Variants in SLC44A5 observed in about 807,000 individuals in gnomAD.
The protein encoded by SLC44A5 is choline transporter-like protein 5.
SLC44A5 carries 57 observed loss-of-function variants against 101.8 expected under a neutral mutation model. The observed-to-expected ratio is 0.56, with a 90% confidence interval of 0.45 to 0.70. The LOEUF is 0.70. Among genes scored for constraint, SLC44A5 ranks in the 30% least tolerant of loss-of-function variants. SLC44A5 has a pLI of 0.00. For missense variants in SLC44A5, 737 were observed against 853.1 expected (o/e 0.86, Z 1.70); for synonymous variants, 281 against 290.9 (o/e 0.97, Z 0.35).
the SLC44A5 span, among the ~76,000 whole-genome samples, chr1:75,706,533 C>A: frequency 1.3e-5 from 2 of 152,008 alleles, no homozygotes; most frequent in African/African-American, 4.8e-5. Flanking sequence ...ATTAAAATTA[C>A]CTAGTGTGAT....
At chr1:75,402,527 C>T (rs757062760) in intron 2 of SLC44A5, 2 of 238,932 alleles carry the variant, frequency 8.4e-6, no homozygotes, top group South Asian at 8.1e-5. Context: ...ATGGGTGTAG[C>T]CCACAGAGGA....
chr1:75,459,493 C>T (rs539671519), intron 2 of SLC44A5, among the ~76,000 whole-genome samples: 1 of 152,132 alleles, frequency 6.6e-6, no homozygotes, highest in African/African-American at 2.4e-5. Context: ...TTCCCAGCAC[C>T]TGACAACCAC....
chr1:75,587,917 C>G (rs1292156571), intron 1 of SLC44A5, among the ~76,000 whole-genome samples: 1 of 152,014 alleles, frequency 6.6e-6, no homozygotes. Flanking sequence ...CTCACTCTCT[C>G]TCTCTCTGTT....
At chr1:75,405,125 T>C (rs1305260831) in intron 2 of SLC44A5, among the ~76,000 whole-genome samples, 1 of 152,164 alleles carries the variant, frequency 6.6e-6, no homozygotes, top group Non-Finnish European at 1.5e-5. Context: ...GGTAAAGGGA[T>C]CAATGCAACA....
intron 3 of SLC44A5, among the ~76,000 whole-genome samples, chr1:75,389,602 T>G (rs886889394): frequency 3.9e-5 from 6 of 152,096 alleles, no homozygotes; most frequent in African/African-American, 1.4e-4. Flanking sequence ...ATAAAAAAAT[T>G]CTTTGAAATA....
chr1:75,298,784 T>G (rs752883171), intron 5 of SLC44A5, among the ~76,000 whole-genome samples: 3 of 152,140 alleles, frequency 2.0e-5, no homozygotes, highest in Non-Finnish European at 2.9e-5. Flanking sequence ...GAAAAGAAAT[T>G]TATTAAAATT....
intron 2 of SLC44A5, among the ~76,000 whole-genome samples, chr1:75,456,993 A>T (rs1666220176): frequency 6.6e-6 from 1 of 152,328 alleles, no homozygotes; most frequent in East Asian, 1.9e-4. Flanking sequence ...ACAGGAGGAA[A>T]ATAATATCGA....
At chr1:75,389,930 A>G (rs1342307395) in intron 3 of SLC44A5, among the ~76,000 whole-genome samples, 1 of 152,108 alleles carries the variant, frequency 6.6e-6, no homozygotes, top group African/African-American at 2.4e-5. Flanking sequence ...AGCTAGATTA[A>G]AAAAGAAAAA....
the SLC44A5 span, among the ~76,000 whole-genome samples, chr1:75,718,212 T>C: frequency 6.6e-6 from 1 of 152,232 alleles, no homozygotes; most frequent in African/African-American, 2.4e-5. Flanking sequence ...GCATTTCTAG[T>C]AATGGTAAAT....
the SLC44A5 span, among the ~76,000 whole-genome samples, chr1:75,668,315 C>CTTTT: frequency 1.0e-2 from 648 of 65,096 alleles, 124 homozygotes; most frequent in African/African-American, 0.011. Flanking sequence ...TCCTAGGAGC[C>CTTTT]TTTTTTTTTT....
At chr1:75,237,136 A>G in intron 10 of SLC44A5, 66 bp from the exon 11 acceptor site, 1 of 968,510 alleles carries the variant, frequency 1.0e-6, no homozygotes, top group Non-Finnish European at 1.6e-6. Flanking sequence ...TGTTCTTTTT[A>G]TGATAAAAGG....
intron 2 of SLC44A5, among the ~76,000 whole-genome samples, chr1:75,432,215 T>A (rs893214542): frequency 4.6e-5 from 7 of 152,114 alleles, no homozygotes; most frequent in Admixed American, 2.6e-4. Context: ...TATTAAACAA[T>A]ACCTTTGCAG....
At chr1:75,255,633 A>G (rs1013484124) in intron 6 of SLC44A5, among the ~76,000 whole-genome samples, 24 of 152,242 alleles carry the variant, frequency 1.6e-4, no homozygotes, top group Middle Eastern at 6.8e-3. Context: ...ACAGAAGAAA[A>G]TTGTCCAGAG....
intron 2 of SLC44A5, among the ~76,000 whole-genome samples, chr1:75,429,365 G>C (rs536962111): frequency 1.4e-3 from 215 of 152,236 alleles, no homozygotes; most frequent in Middle Eastern, 3.4e-3. Context: ...CAAGAAACAG[G>C]CTCCAGGGTC....
At chr1:75,711,954 A>G in the SLC44A5 span, among the ~76,000 whole-genome samples, 1 of 152,200 alleles carries the variant, frequency 6.6e-6, no homozygotes, top group African/African-American at 2.4e-5. Flanking sequence ...AAATCCCTCC[A>G]GGTATAGTCC....
chr1:75,223,711 C>A (rs914987659), intron 13 of SLC44A5, among the ~76,000 whole-genome samples: 2 of 152,158 alleles, frequency 1.3e-5, no homozygotes, highest in African/African-American at 4.8e-5. Context: ...TCTGACACAT[C>A]ACACATCAGT....
intron 9 of SLC44A5, among the ~76,000 whole-genome samples, chr1:75,240,917 G>C (rs916438757): frequency 4.0e-5 from 6 of 151,780 alleles, no homozygotes; most frequent in African/African-American, 1.4e-4. Context: ...GTTTTCTTGT[G>C]GTTATTTATT....
At chr1:75,451,225 C>T (rs1665890947) in intron 2 of SLC44A5, among the ~76,000 whole-genome samples, 1 of 152,162 alleles carries the variant, frequency 6.6e-6, no homozygotes, top group South Asian at 2.1e-4. Flanking sequence ...GGAGCTCAGA[C>T]CACTATGCAT....
At chr1:75,501,422 TA>T (rs1234094048) in intron 2 of SLC44A5, among the ~76,000 whole-genome samples, 1 of 152,234 alleles carries the variant, frequency 6.6e-6, no homozygotes, top group Non-Finnish European at 1.5e-5. Context: ...AGATTGTTAC[TA>T]CATTCCCATA....
Sources: allele counts gnomAD v4.1 joint callset (sites outside exome capture counted in the v4.1 genomes callset), GRCh38; gene constraint gnomAD v4.1.1; transcripts MANE v1.5; gene names NCBI Gene and HGNC (gene_info 2026-07-23, HGNC 2026-07-21).